The following VPS41 variants were observed in gnomAD, a reference collection of about 807,000 sequenced individuals.
The protein encoded by VPS41 is vacuolar protein sorting-associated protein 41 homolog.
In VPS41, 85 loss-of-function variants were observed where a neutral mutation model predicts 130.9. The observed-to-expected ratio is 0.65, with a 90% CI of 0.55 to 0.78. The LOEUF (loss-of-function observed/expected upper bound fraction) is 0.78, where lower values mean the gene tolerates loss of function less well. Ranked by LOEUF, VPS41 falls within the 30% of genes least tolerant of loss-of-function variation. VPS41 has a pLI of 0.00. For missense variants in VPS41, 874 were observed against 1,018.7 expected, an observed-to-expected ratio of 0.86 and a Z score of 1.93; for synonymous variants, 335 against 332.9, an observed-to-expected ratio of 1.01 and a Z score of -0.07.
At position 38,728,593 on chromosome 7, in the gene VPS41, G is replaced by T. The variant is rs371422819; in HGVS notation, c.2360-7C>A. 4 of 1,613,996 alleles carry T rather than the reference G, an allele frequency of 2.5e-6. No individual in the cohort carries two copies. The highest frequency in any genetic ancestry group is 3.4e-6 in the Non-Finnish European group (4 of 1,180,014). Reference sequence around the variant, plus strand: ...GACTCACAGATGTTCTCCTCTGTAAGAAAACACACATACTTTGGATTATGC... The same window carrying T: ...GACTCACAGATGTTCTCCTCTGTAATAAAACACACATACTTTGGATTATGC... On this transcript the variant is annotated splice_polypyrimidine_tract_variant and splice_region_variant and intron_variant, in intron 26 of 28. Transcript: ENST00000310301.
chr7:38,765,769 T>C lies in VPS41; in HGVS notation c.1248-108A>G, dbSNP rs878923539. ...TTCCCCAGAGGTTTAGAGAAATCTC[T>C]CTTCTCAGAGTTTTGATGAATTTCT... On this transcript the variant is annotated intron_variant, in intron 15 of 28. Transcript: ENST00000310301. 9.4e-5 allele frequency: 63 copies of C among 668,272 alleles called. 1 individual carries two copies. In the South Asian group the frequency reaches 1.4e-3, roughly 14 times the overall value. The allele number at this position is 668,272 out of a possible 1,614,324, so 41.4% of individuals were successfully genotyped here. A position where few individuals can be genotyped will look rare whatever the true frequency, so the allele number is the denominator to read the frequency against.
Position 38,797,003 on chromosome 7 carries a change from G to GTA in VPS41, c.451-141_451-140dup, listed in dbSNP as rs1784634620. On this transcript the variant is annotated intron_variant, in intron 7 of 28. Coordinates refer to ENST00000310301, the MANE Select transcript of VPS41 (RefSeq NM_014396.4). ...ACGTCTTTAATGTAGACTTACAGTA[G>GTA]TATGTTATTTGTACCTTGGAAAGAA... 3.2e-6 allele frequency: 3 copies of GTA among 925,802 alleles called. No individual in the cohort carries two copies. The Admixed American group carries it at 7.3e-5, about 23-fold the overall frequency. The allele number at this position is 925,802 out of a possible 1,614,324, so 57.3% of individuals were successfully genotyped here.
At chr7:38,819,096 A>AT in intron 6 of VPS41, among the ~76,000 whole-genome samples, 1 of 152,320 alleles carries the variant, frequency 6.6e-6, no homozygotes, top group Admixed American at 6.5e-5. Flanking sequence ...TCAGGGACTG[A>AT]TTCCAAACAT....
chr7:38,796,196 C>G (rs995686248), intron 8 of VPS41, among the ~76,000 whole-genome samples: 1 of 152,160 alleles, frequency 6.6e-6, no homozygotes. Context: ...CTAAATTATA[C>G]CTTGATGTTT....
intron 3 of VPS41, among the ~76,000 whole-genome samples, chr7:38,863,100 C>T (rs536641666): frequency 5.3e-5 from 8 of 152,188 alleles, no homozygotes; most frequent in East Asian, 1.9e-4. Flanking sequence ...ATTGAGAGAC[C>T]GAAAATCTCA....
chr7:38,748,287 T>C (rs544636145), intron 22 of VPS41, among the ~76,000 whole-genome samples: 17 of 152,156 alleles, frequency 1.1e-4, no homozygotes, highest in African/African-American at 3.6e-4. Flanking sequence ...ATAATAGAAC[T>C]TGAGTAAAAA....
chr7:38,908,158 A>G (rs1489538794), intron 1 of VPS41, among the ~76,000 whole-genome samples: 1 of 152,180 alleles, frequency 6.6e-6, no homozygotes, highest in Non-Finnish European at 1.5e-5. Flanking sequence ...ATGATACTAA[A>G]CAGCCCATCA....
At chr7:38,876,667 T>G (rs1290568576) in intron 2 of VPS41, among the ~76,000 whole-genome samples, 2 of 146,178 alleles carry the variant, frequency 1.4e-5, no homozygotes, top group African/African-American at 4.8e-5. Context: ...CTCTCAAAGC[T>G]GCTTTGCTTT....
chr7:38,779,355 T>C (rs1784317630), intron 10 of VPS41, among the ~76,000 whole-genome samples: 1 of 152,212 alleles, frequency 6.6e-6, no homozygotes, highest in Non-Finnish European at 1.5e-5. Flanking sequence ...AGTAATTCCC[T>C]TATACCAACA....
At chr7:38,876,106 G>A (rs2116362742) in intron 2 of VPS41, among the ~76,000 whole-genome samples, 1 of 152,268 alleles carries the variant, frequency 6.6e-6, no homozygotes, top group East Asian at 1.9e-4. Flanking sequence ...TGGGGGAAAG[G>A]TGCTACTGAC....
chr7:38,867,441 A>T (rs930929766), intron 3 of VPS41, among the ~76,000 whole-genome samples: 2 of 151,988 alleles, frequency 1.3e-5, no homozygotes, highest in African/African-American at 2.4e-5. Flanking sequence ...GCTACTTAGG[A>T]GGTTGAGGCA....
chr7:38,836,674 A>C (rs1230251616), intron 4 of VPS41, among the ~76,000 whole-genome samples: 2 of 101,640 alleles, frequency 2.0e-5, no homozygotes, highest in Non-Finnish European at 4.0e-5. Context: ...CCAAAATCAA[A>C]CCAAGTAAAC....
At chr7:38,756,224 A>ACACACG (rs1207929564) in intron 19 of VPS41, among the ~76,000 whole-genome samples, 1 of 151,516 alleles carries the variant, frequency 6.6e-6, no homozygotes, top group Non-Finnish European at 1.5e-5. Flanking sequence ...ACACACACAC[A>ACACACG]CACACACACA....
At chr7:38,822,209 C>T (rs4723800) in intron 5 of VPS41, among the ~76,000 whole-genome samples, 86,581 of 151,982 alleles carry the variant, frequency 0.57, 25,347 homozygotes, top group East Asian at 0.89. Flanking sequence ...AAATATAAAA[C>T]ACATGCTATA....
chr7:38,755,878 C>T (rs1783779337), intron 19 of VPS41, among the ~76,000 whole-genome samples: 1 of 152,114 alleles, frequency 6.6e-6, no homozygotes, highest in Admixed American at 6.6e-5. Context: ...GCCAGACAAG[C>T]AGAGCCTCTC....
chr7:38,775,895 A>AT (rs927070902), intron 11 of VPS41, among the ~76,000 whole-genome samples: 29 of 152,090 alleles, frequency 1.9e-4, no homozygotes, highest in African/African-American at 7.0e-4. Flanking sequence ...TAGAGAATCA[A>AT]TTACAATTTC....
At chr7:38,794,987 T>A (rs1447816479) in intron 9 of VPS41, among the ~76,000 whole-genome samples, 1 of 152,186 alleles carries the variant, frequency 6.6e-6, no homozygotes, top group East Asian at 1.9e-4. Context: ...AATCTTATTA[T>A]TGATGATAAG....
intron 8 of VPS41, 197 bp downstream of exon 8, chr7:38,796,548 G>T (rs1210816882): frequency 1.1e-5 from 8 of 754,994 alleles, no homozygotes; most frequent in Non-Finnish European, 1.8e-5. Context: ...TCCAGAATAT[G>T]TTGGGAATTA....
intron 22 of VPS41, among the ~76,000 whole-genome samples, chr7:38,746,525 C>T (rs1429077820): frequency 6.6e-6 from 1 of 152,052 alleles, no homozygotes; most frequent in Non-Finnish European, 1.5e-5. Context: ...TGTGACAACG[C>T]ATTATTCCAC....
Sources: allele counts gnomAD v4.1 joint callset (sites outside exome capture counted in the v4.1 genomes callset), GRCh38; gene constraint gnomAD v4.1.1; transcripts MANE v1.5; gene names NCBI Gene and HGNC (gene_info 2026-07-23, HGNC 2026-07-21).